The following LRP1B variants were observed in gnomAD, a reference collection of about 807,000 sequenced individuals.
LRP1B encodes low-density lipoprotein receptor-related protein 1B.
Under a neutral mutation model 556.6 loss-of-function variants are expected in LRP1B, and 217 were observed. That is an observed-to-expected ratio of 0.39 (90% confidence interval 0.35 to 0.44). The LOEUF (loss-of-function observed/expected upper bound fraction) is 0.44, where lower values mean the gene tolerates loss of function less well. LRP1B is among the 20% of genes least tolerant of loss of function. LRP1B has a pLI of 1.00. For missense variants in LRP1B, 5,053 were observed against 5,620.8 expected (o/e 0.90, Z 3.23); for synonymous variants, 2,047 against 1,865.8 (o/e 1.10, Z -2.50).
intron 7 of LRP1B, among the ~76,000 whole-genome samples, chr2:141,111,648 C>A (rs1700753419): frequency 1.3e-5 from 2 of 152,114 alleles, no homozygotes; most frequent in African/African-American, 2.4e-5. Flanking sequence ...TAAAATCCAG[C>A]CCTATCAGCT....
intron 7 of LRP1B, among the ~76,000 whole-genome samples, chr2:141,067,097 GTAACA>G (rs1699500692): frequency 6.6e-6 from 1 of 151,736 alleles, no homozygotes; most frequent in Non-Finnish European, 1.5e-5. Context: ...AGCATCAATA[GTAACA>G]TAACCTCATT....
At chr2:141,919,397 A>G (rs1453776036) in intron 1 of LRP1B, among the ~76,000 whole-genome samples, 1 of 152,092 alleles carries the variant, frequency 6.6e-6, no homozygotes, top group African/African-American at 2.4e-5. Context: ...CTGCACTAAT[A>G]TAAGAAATGA....
At chr2:141,804,915 T>C (rs1384215725) in intron 2 of LRP1B, among the ~76,000 whole-genome samples, 2 of 152,090 alleles carry the variant, frequency 1.3e-5, no homozygotes, top group Non-Finnish European at 2.9e-5. Context: ...TCATGCACTG[T>C]GCATACCATC....
chr2:141,633,858 ATG>A (rs1325441537), intron 2 of LRP1B, among the ~76,000 whole-genome samples: 2 of 152,058 alleles, frequency 1.3e-5, no homozygotes, highest in East Asian at 3.9e-4. Context: ...GATTAACCAC[ATG>A]TGCTAATGTT....
At chr2:141,664,775 C>T (rs543129718) in intron 2 of LRP1B, among the ~76,000 whole-genome samples, 2 of 152,308 alleles carry the variant, frequency 1.3e-5, no homozygotes, top group East Asian at 1.9e-4. Flanking sequence ...AATGGCCACA[C>T]TGCTCAAAGT....
At chr2:141,323,281 T>C (rs927801597) in intron 3 of LRP1B, among the ~76,000 whole-genome samples, 8 of 152,000 alleles carry the variant, frequency 5.3e-5, no homozygotes, top group Admixed American at 4.6e-4. Flanking sequence ...AAAACAAAAA[T>C]AGACAATAAA....
chr2:140,967,988 T>C (rs1696284818), intron 18 of LRP1B, among the ~76,000 whole-genome samples: 1 of 75,198 alleles, frequency 1.3e-5, no homozygotes, highest in Non-Finnish European at 2.8e-5. Flanking sequence ...TCAAGGATAT[T>C]GGTCTAAAAT....
chr2:141,476,864 C>T, intron 3 of LRP1B, among the ~76,000 whole-genome samples: 1 of 152,156 alleles, frequency 6.6e-6, no homozygotes. Flanking sequence ...TGGCTCACAC[C>T]TGTAATTCAA....
chr2:141,589,196 T>C (rs1286899392), intron 2 of LRP1B, among the ~76,000 whole-genome samples: 2 of 152,188 alleles, frequency 1.3e-5, no homozygotes, highest in African/African-American at 2.4e-5. Flanking sequence ...GTTTAACCTT[T>C]TAAACCTCTC....
At chr2:141,170,117 C>A (rs556382865) in intron 7 of LRP1B, among the ~76,000 whole-genome samples, 112 of 152,146 alleles carry the variant, frequency 7.4e-4, no homozygotes, top group Non-Finnish European at 1.1e-3. Flanking sequence ...GATATGATAA[C>A]AAACTCACAT....
At chr2:140,699,909 G>T (rs530584140) in intron 41 of LRP1B, among the ~76,000 whole-genome samples, 3 of 135,548 alleles carry the variant, frequency 2.2e-5, no homozygotes, top group South Asian at 2.3e-4. Flanking sequence ...TATACAATTT[G>T]CCCACTGGAA....
At chr2:140,623,797 T>C (rs907443610) in intron 41 of LRP1B, among the ~76,000 whole-genome samples, 53 of 151,736 alleles carry the variant, frequency 3.5e-4, no homozygotes, top group Non-Finnish European at 1.5e-4. Flanking sequence ...TATGTGCCTG[T>C]AATTCCAGCT....
At chr2:140,608,182 T>TA (rs1682939361) in intron 41 of LRP1B, among the ~76,000 whole-genome samples, 1 of 152,234 alleles carries the variant, frequency 6.6e-6, no homozygotes, top group African/African-American at 2.4e-5. Flanking sequence ...GAGAATCTGC[T>TA]AAAAAACTAC....
At chr2:140,874,086 T>C (rs1158652700) in intron 25 of LRP1B, among the ~76,000 whole-genome samples, 1 of 152,048 alleles carries the variant, frequency 6.6e-6, no homozygotes, top group African/African-American at 2.4e-5. Flanking sequence ...ATGACATGAA[T>C]GATCTGTGTA....
At chr2:141,177,592 T>C (rs901927454) in intron 7 of LRP1B, among the ~76,000 whole-genome samples, 4 of 152,134 alleles carry the variant, frequency 2.6e-5, no homozygotes, top group African/African-American at 7.2e-5. Flanking sequence ...TTAATAGTTG[T>C]ATTAGTTACT....
intron 1 of LRP1B, among the ~76,000 whole-genome samples, chr2:141,892,409 A>G (rs548639840): frequency 6.6e-5 from 10 of 152,040 alleles, no homozygotes; most frequent in Non-Finnish European, 1.5e-4. Flanking sequence ...TTTTTAAAAA[A>G]ACATGGAACT....
intron 60 of LRP1B, among the ~76,000 whole-genome samples, chr2:140,463,862 G>T (rs1687424420): frequency 6.6e-6 from 1 of 152,100 alleles, no homozygotes; most frequent in Non-Finnish European, 1.5e-5. Context: ...TTTATACTGG[G>T]ACACTTAAAT....
chr2:141,731,286 C>A (rs1028676036), intron 2 of LRP1B, among the ~76,000 whole-genome samples: 1 of 152,150 alleles, frequency 6.6e-6, no homozygotes, highest in East Asian at 1.9e-4. Context: ...TCTGGGCCTG[C>A]TTGAATCTTT....
At chr2:140,901,158 G>C (rs1694094267) in intron 23 of LRP1B, among the ~76,000 whole-genome samples, 1 of 152,088 alleles carries the variant, frequency 6.6e-6, no homozygotes, top group Admixed American at 6.6e-5. Context: ...GTGGGGGAGG[G>C]CTCCAAGTGG....
Sources: gnomAD v4.1 joint callset for allele counts (sites outside exome capture counted in the v4.1 genomes callset) on GRCh38, gnomAD v4.1.1 for gene constraint, MANE v1.5 for transcripts, NCBI Gene and HGNC (gene_info 2026-07-23, HGNC 2026-07-21) for gene names.